Variants in SRGAP3 observed in about 807,000 individuals in gnomAD.
The protein encoded by SRGAP3 is SLIT-ROBO Rho GTPase activating protein 3, also known as SLIT-ROBO Rho GTPase-activating protein 3.
A neutral mutation model predicts 121.1 loss-of-function variants in SRGAP3; 39 were observed. That is an observed-to-expected ratio of 0.32 (90% CI 0.25 to 0.42). The LOEUF is 0.42. SRGAP3 is among the 10% of genes least tolerant of loss of function. SRGAP3 has a pLI of 1.00. For missense variants in SRGAP3, 1,213 were observed against 1,470.6 expected, an observed-to-expected ratio of 0.82 and a Z score of 2.86; for synonymous variants, 601 against 570.0, an observed-to-expected ratio of 1.05 and a Z score of -0.77.
At chr3:8,992,000 C>T (rs370715530) in intron 20 of SRGAP3, among the ~76,000 whole-genome samples, 15 of 152,234 alleles carry the variant, frequency 9.9e-5, no homozygotes, top group East Asian at 1.9e-4. Context: ...TGTCTACCTA[C>T]GCCAGCCTTC....
intron 1 of SRGAP3, among the ~76,000 whole-genome samples, chr3:9,248,494 T>TA (rs569427194): frequency 5.2e-4 from 79 of 151,976 alleles, no homozygotes; most frequent in East Asian, 4.3e-3. Context: ...GAGCAGATGG[T>TA]AAAAAAATAC....
At chr3:9,090,919 G>T (rs551385828) in intron 3 of SRGAP3, among the ~76,000 whole-genome samples, 1 of 152,278 alleles carries the variant, frequency 6.6e-6, no homozygotes, top group South Asian at 2.1e-4. Flanking sequence ...TTACAGGCAT[G>T]AGCCACCATG....
At chr3:9,242,433 G>C (rs1016731670) in intron 1 of SRGAP3, among the ~76,000 whole-genome samples, 1 of 152,054 alleles carries the variant, frequency 6.6e-6, no homozygotes, top group Non-Finnish European at 1.5e-5. Context: ...TTAGGAGTTT[G>C]AGACCAGCCT....
chr3:9,018,179 T>A (rs955313079), intron 14 of SRGAP3, among the ~76,000 whole-genome samples: 5 of 152,244 alleles, frequency 3.3e-5, no homozygotes, highest in African/African-American at 1.2e-4. Flanking sequence ...GCAAATGACA[T>A]GATTTCATTC....
chr3:9,098,137 T>C (rs1325039189), intron 3 of SRGAP3, among the ~76,000 whole-genome samples: 1 of 152,094 alleles, frequency 6.6e-6, no homozygotes, highest in Non-Finnish European at 1.5e-5. Flanking sequence ...CTGAACAAAC[T>C]TCTGTGGTGA....
rs561444407 is a variant in SRGAP3, at chr3:9,299,230, G to A, written n.442+26780C>T. On this transcript the variant is annotated intron_variant and non_coding_transcript_variant, in intron 3 of 3. Coordinates refer to the SRGAP3 transcript ENST00000490889. The stretch of plus-strand genomic sequence containing the variant: ...CAAAAAATTAGCTGGGCATGCTGGT[G>A]CATGCCTGTAGTCCCAGCTACACGG... Among the ~76,000 whole-genome samples the A allele has an allele frequency of 2.6e-5, 4 of 151,170 alleles. No individual in the cohort carries two copies. The East Asian group carries it at 7.8e-4, about 30-fold the overall frequency.
At chr3:9,045,979 G>A (rs761180531) in intron 10 of SRGAP3, among the ~76,000 whole-genome samples, 1 of 151,962 alleles carries the variant, frequency 6.6e-6, no homozygotes, top group Admixed American at 6.6e-5. Context: ...CATTCTCACT[G>A]TTTTTCTTCC....
chr3:9,074,550 C>T (rs1423494967), intron 4 of SRGAP3, among the ~76,000 whole-genome samples: 1 of 152,168 alleles, frequency 6.6e-6, no homozygotes, highest in Non-Finnish European at 1.5e-5. Context: ...CAGTAAATGA[C>T]AGAGGGCCCA....
At chr3:9,221,257 AG>A (rs1485940266) in intron 1 of SRGAP3, among the ~76,000 whole-genome samples, 1 of 152,228 alleles carries the variant, frequency 6.6e-6, no homozygotes, top group African/African-American at 2.4e-5. Context: ...ATCTCCGGCC[AG>A]GCATGCTCAT....
At chr3:9,132,303 T>C (rs1949485110) in intron 1 of SRGAP3, among the ~76,000 whole-genome samples, 1 of 152,168 alleles carries the variant, frequency 6.6e-6, no homozygotes, top group African/African-American at 2.4e-5. Context: ...GTGTTGTACA[T>C]TCTCTGGGTT....
chr3:9,345,035 C>CA (rs929864523), intron 1 of SRGAP3, among the ~76,000 whole-genome samples: 125 of 140,132 alleles, frequency 8.9e-4, no homozygotes, highest in South Asian at 1.8e-3. Flanking sequence ...GACTCCGTCT[C>CA]AAAAAAAAAA....
In SRGAP3 at chr3:9,321,154, A is replaced by G. The variant is rs181040521; in HGVS notation, n.442+4856T>C. ...GAAAACACATGTGGGTGTTCAGACAACAGCCCCAGCTAGCCCTCAGCCAAC... is the reference window on the plus strand; with the variant it reads ...GAAAACACATGTGGGTGTTCAGACAGCAGCCCCAGCTAGCCCTCAGCCAAC... On this transcript the variant is annotated intron_variant and non_coding_transcript_variant, in intron 3 of 3. Coordinates refer to the SRGAP3 transcript ENST00000490889. 7.5e-3 allele frequency among the ~76,000 whole-genome samples: 1,134 copies of G among 151,910 alleles called. 14 individuals are homozygous for G. The highest frequency in any genetic ancestry group is 0.024 in the African/African-American group (982 of 41,540).
At chr3:9,093,704 T>G (rs1031914813) in intron 3 of SRGAP3, among the ~76,000 whole-genome samples, 2 of 152,184 alleles carry the variant, frequency 1.3e-5, no homozygotes, top group African/African-American at 2.4e-5. Context: ...ATATGTATAA[T>G]AACATGCACC....
chr3:8,986,886 C>T (rs1941739694), intron 21 of SRGAP3, among the ~76,000 whole-genome samples: 1 of 152,218 alleles, frequency 6.6e-6, no homozygotes, highest in Admixed American at 6.5e-5. Flanking sequence ...CCCTGCCACC[C>T]AGGGCAGCCC....
rs2124890366 is a variant in SRGAP3 at position 8,984,576 on chromosome 3, G to A, written c.*943C>T. The A allele has an allele frequency of 4.3e-6, 1 of 232,712 alleles. No individual in the cohort carries two copies. Among genetic ancestry groups the A allele is most frequent in the Non-Finnish European group, 8.5e-6 (1 of 117,696 alleles). The allele number at this position is 232,712 out of a possible 1,614,324, so 14.4% of individuals were successfully genotyped here. A position where few individuals can be genotyped will look rare whatever the true frequency, so the allele number is the denominator to read the frequency against. ...TTTTCCCAACCACATGTAATACTGT[G>A]CTACGATGGGGCTTAGGTTCTCACT... On this transcript the variant is annotated 3_prime_UTR_variant, in exon 22 of 22. Transcript: ENST00000383836.
chr3:9,339,050 C>G (rs1955737878), intron 1 of SRGAP3, among the ~76,000 whole-genome samples: 1 of 152,204 alleles, frequency 6.6e-6, no homozygotes, highest in Admixed American at 6.5e-5. Flanking sequence ...GTACTTAGCC[C>G]TGAAATGACC....
intron 1 of SRGAP3, among the ~76,000 whole-genome samples, chr3:9,135,153 C>T (rs576395540): frequency 1.3e-5 from 2 of 152,324 alleles, no homozygotes; most frequent in South Asian, 4.1e-4. Context: ...GTTAAACCAT[C>T]CTGGACAGTG....
intron 3 of SRGAP3, chr3:9,292,746 CT>C (rs1223847225): frequency 6.6e-6 from 1 of 152,074 alleles, no homozygotes; most frequent in African/African-American, 2.4e-5. Context: ...CAAATATGAG[CT>C]CTTTGGATTA....
intron 3 of SRGAP3, among the ~76,000 whole-genome samples, chr3:9,265,118 T>G (rs1394101217): frequency 6.6e-6 from 1 of 152,124 alleles, no homozygotes; most frequent in East Asian, 1.9e-4. Flanking sequence ...AAACAAGAAA[T>G]GGGGAAAGGA....
Sources: allele counts gnomAD v4.1 joint callset (sites outside exome capture counted in the v4.1 genomes callset), GRCh38; gene constraint gnomAD v4.1.1; transcripts MANE v1.5; gene names NCBI Gene and HGNC (gene_info 2026-07-23, HGNC 2026-07-21).